The following CA12 variants were observed in gnomAD, a reference collection of about 807,000 sequenced individuals.
CA12 encodes the protein carbonate dehydratase XII.
CA12 carries 36 observed loss-of-function variants against 46.8 expected under a neutral mutation model. The observed-to-expected ratio is 0.77, with a 90% CI of 0.59 to 1.02. The LOEUF is 1.02. Among genes scored for constraint, CA12 ranks in the 50% least tolerant of loss-of-function variants. The pLI is 0.00. For synonymous variants in CA12, 202 were observed against 187.0 expected (o/e 1.08, Z -0.65); for missense variants, 436 against 451.4 (o/e 0.97, Z 0.31).
At position 63,366,138 on chromosome 15, in the gene CA12, C is replaced by CAAAA. The variant is rs10680238; in HGVS notation, c.106+9516_106+9519dup. Among the ~76,000 whole-genome samples the CAAAA allele has an allele frequency of 2.7e-4, 31 of 116,806 alleles. 1 individual carries two copies. Among genetic ancestry groups the CAAAA allele is most frequent in the Middle Eastern group, 4.4e-3 (1 of 226 alleles). 76.6% of individuals were successfully genotyped at this position (116,806 alleles called of 152,430 possible). On this transcript the variant is annotated intron_variant, in intron 2 of 10. Transcript: ENST00000178638. ...CCTGGGTGACAGAGCGAGACTATCTCAAAAAAAAAAAAAAAAAAAAAGCAT... is the reference window on the plus strand; with the variant it reads ...CCTGGGTGACAGAGCGAGACTATCTCAAAAAAAAAAAAAAAAAAAAAAAAAGCAT...
At chr15:63,343,041 T>A (rs2039101670) in intron 4 of CA12, among the ~76,000 whole-genome samples, 1 of 152,062 alleles carries the variant, frequency 6.6e-6, no homozygotes. Flanking sequence ...TTCACCATCT[T>A]CCCCTCAAAG....
At chr15:63,379,177 G>A (rs1443857479) in intron 1 of CA12, 1 of 152,196 alleles carries the variant, frequency 6.6e-6, no homozygotes, top group East Asian at 1.9e-4. Flanking sequence ...CCTCCTCTCT[G>A]TGAGTGAGCT....
Position 63,330,317 on chromosome 15 carries a change from T to C in CA12, c.875-2187A>G, listed in dbSNP as rs1250293215. Among the ~76,000 whole-genome samples, 1 of 152,224 alleles carries C rather than the reference T, an allele frequency of 6.6e-6. No individual in the cohort carries two copies. Among genetic ancestry groups the C allele is most frequent in the Non-Finnish European group, 1.5e-5 (1 of 68,038 alleles). On this transcript the variant is annotated intron_variant, in intron 8 of 10. Coordinates refer to ENST00000178638, the MANE Select transcript of CA12 (RefSeq NM_001218.5). The surrounding 1 kb of genome is among the most constrained non-coding windows in gnomAD (Gnocchi z 4.0). Reference sequence around the variant, plus strand: ...GGTATTAGGGTTGGTTGTTTCTTTTTTAAATGTAACCAGAGACCATGGTCC... The same window carrying C: ...GGTATTAGGGTTGGTTGTTTCTTTTCTAAATGTAACCAGAGACCATGGTCC...
intron 4 of CA12, among the ~76,000 whole-genome samples, chr15:63,344,448 T>C (rs191922414): frequency 4.5e-4 from 69 of 152,382 alleles, no homozygotes; most frequent in Non-Finnish European, 9.0e-4. Flanking sequence ...ACCTTCTTTA[T>C]TCCCCATGGG....
chr15:63,363,216 G>A (rs1311541004), intron 2 of CA12, among the ~76,000 whole-genome samples: 1 of 152,106 alleles, frequency 6.6e-6, no homozygotes, highest in Non-Finnish European at 1.5e-5. Context: ...CAAATCTAAG[G>A]TTTCCTACAT....
At chr15:63,354,963 T>A (rs2039276624) in intron 2 of CA12, among the ~76,000 whole-genome samples, 1 of 152,152 alleles carries the variant, frequency 6.6e-6, no homozygotes, top group South Asian at 2.1e-4. Flanking sequence ...AAGGCCTGCA[T>A]CAGGTTCCTT....
chr15:63,354,334 G>A (rs1177560714), intron 2 of CA12, among the ~76,000 whole-genome samples: 1 of 152,108 alleles, frequency 6.6e-6, no homozygotes, highest in Non-Finnish European at 1.5e-5. Flanking sequence ...TCTTTTTCTT[G>A]GATTTTACAT....
Position 63,357,099 on chromosome 15 carries a change from C to T in CA12, c.107-10390G>A, listed in dbSNP as rs187443933. Among the ~76,000 whole-genome samples, 475 of 152,288 alleles carry T rather than the reference C, an allele frequency of 3.1e-3. 4 individuals are homozygous for T. Among genetic ancestry groups the T allele is most frequent in the Non-Finnish European group, 4.5e-3 (308 of 68,020 alleles). On this transcript the variant is annotated intron_variant, in intron 2 of 10. Coordinates refer to ENST00000178638, the MANE Select transcript of CA12 (RefSeq NM_001218.5). Reference sequence around the variant, plus strand: ...GCTGGGATAGGTCTTTTTATTTTCACGGCACCCTTTATGGAACCAAACGTA... The same window carrying T: ...GCTGGGATAGGTCTTTTTATTTTCATGGCACCCTTTATGGAACCAAACGTA...
chr15:63,341,038 G>A lies in CA12; in HGVS notation c.526-255C>T, dbSNP rs1040396678. 6.6e-6 allele frequency among the ~76,000 whole-genome samples: 1 copy of A among 152,150 alleles called. No individual in the cohort carries two copies. Among genetic ancestry groups the A allele is most frequent in the East Asian group, 1.9e-4 (1 of 5,188 alleles). On this transcript the variant is annotated intron_variant, in intron 5 of 10. Coordinates refer to ENST00000178638, the MANE Select transcript of CA12 (RefSeq NM_001218.5). The surrounding 1 kb of genome is among the most constrained non-coding windows in gnomAD (Gnocchi z 5.2). ...TGTCCTGGGGCATAGGGTACCGTGTGTGCTCTTGATGATCCAGATATGAGC... is the reference window on the plus strand; with the variant it reads ...TGTCCTGGGGCATAGGGTACCGTGTATGCTCTTGATGATCCAGATATGAGC...
chr15:63,338,079 C>T (rs898949832), intron 8 of CA12, among the ~76,000 whole-genome samples: 1 of 152,176 alleles, frequency 6.6e-6, no homozygotes, highest in African/African-American at 2.4e-5. Context: ...GCCCAGTTTC[C>T]AGCAGTGTTG....
Position 63,341,213 on chromosome 15 carries a change from C to CCAA in CA12, c.526-431_526-430insTTG, listed in dbSNP as rs2039074978. Among the ~76,000 whole-genome samples, 2 of 152,174 alleles carry CCAA rather than the reference C, an allele frequency of 1.3e-5. No homozygotes were observed. The highest frequency in any genetic ancestry group is 1.5e-5 in the Non-Finnish European group (1 of 68,040). ...CATGCAAGCCAATCAGAAGACATTC[C>CCAA]TCTATCTTGGGATAAAAAAAGAATT... On this transcript the variant is annotated intron_variant, in intron 5 of 10. Coordinates refer to ENST00000178638, the MANE Select transcript of CA12 (RefSeq NM_001218.5). This position sits in a 1 kb window ranked among gnomAD's most constrained non-coding sequence, Gnocchi z 5.2.
intron 2 of CA12, among the ~76,000 whole-genome samples, chr15:63,367,850 T>TA (rs1268404066): frequency 1.3e-5 from 2 of 152,158 alleles, no homozygotes; most frequent in African/African-American, 4.8e-5. Context: ...TTACATAAAC[T>TA]AAAAAAACTA....
rs971604887 is a variant in CA12 at position 63,341,226 on chromosome 15, T to TA, written c.526-444dup. 2.6e-5 allele frequency among the ~76,000 whole-genome samples: 4 copies of TA among 151,752 alleles called. No individual in the cohort carries two copies. Among genetic ancestry groups the TA allele is most frequent in the Non-Finnish European group, 4.4e-5 (3 of 67,950 alleles). On this transcript the variant is annotated intron_variant, in intron 5 of 10. Transcript: ENST00000178638. This position sits in a 1 kb window ranked among gnomAD's most constrained non-coding sequence, Gnocchi z 5.2. ...CAGAAGACATTCCTCTATCTTGGGATAAAAAAAGAATTCATTCCAGGGTAC... is the reference window on the plus strand; with the variant it reads ...CAGAAGACATTCCTCTATCTTGGGATAAAAAAAAGAATTCATTCCAGGGTAC...
rs528919763 is a variant in CA12, at chr15:63,334,098, C to T, written c.874+4721G>A. Among the ~76,000 whole-genome samples the T allele has an allele frequency of 5.3e-5, 8 of 152,218 alleles. No individual in the cohort carries two copies. In the East Asian group the frequency reaches 1.5e-3, roughly 29 times the overall value. ...CCCCTGTGATGTCCCCCTGCCTCTGCCGTCTTTCCCCTTTCCCACTAAGAG... is the reference window on the plus strand; with the variant it reads ...CCCCTGTGATGTCCCCCTGCCTCTGTCGTCTTTCCCCTTTCCCACTAAGAG... On this transcript the variant is annotated intron_variant, in intron 8 of 10. Coordinates refer to ENST00000178638, the MANE Select transcript of CA12 (RefSeq NM_001218.5).
intron 2 of CA12, among the ~76,000 whole-genome samples, chr15:63,364,332 G>GAAACA (rs2039408329): frequency 1.8e-5 from 1 of 56,138 alleles, no homozygotes; most frequent in African/African-American, 7.0e-5. Context: ...CCCGTCACTA[G>GAAACA]AAAAAAAAAA....
At position 63,322,346 on chromosome 15, in the gene CA12, T is replaced by C. The variant is rs1344727186; in HGVS notation, c.*3939A>G. The C allele has an allele frequency of 6.6e-6, 1 of 151,762 alleles. No individual in the cohort carries two copies. The highest frequency in any genetic ancestry group is 1.5e-5 in the Non-Finnish European group (1 of 67,972). 9.4% of individuals were successfully genotyped at this position (151,762 alleles called of 1,614,324 possible). A position where few individuals can be genotyped will look rare whatever the true frequency, so the allele number is the denominator to read the frequency against. On this transcript the variant is annotated 3_prime_UTR_variant, in exon 11 of 11. Coordinates refer to ENST00000178638, the MANE Select transcript of CA12 (RefSeq NM_001218.5). The surrounding 1 kb of genome is among the most constrained non-coding windows in gnomAD (Gnocchi z 4.1). ...AAATACTGGTTACATGTGGAAATGA[T>C]AGTATTTTAGATCTGTTGGATTATC...
At chr15:63,352,318 A>G (rs2039243017) in intron 2 of CA12, among the ~76,000 whole-genome samples, 1 of 152,194 alleles carries the variant, frequency 6.6e-6, no homozygotes, top group Non-Finnish European at 1.5e-5. Flanking sequence ...TGGCCTCCCA[A>G]AGTGCTGGGA....
Position 63,345,069 on chromosome 15 carries a change from G to A in CA12, c.429+408C>T, listed in dbSNP as rs1207545020. The stretch of plus-strand genomic sequence containing the variant: ...GAGGGAAAGATAGCATCAAAATGAT[G>A]CAAACAGCATGACATATGAAGAAAG... On this transcript the variant is annotated intron_variant, in intron 4 of 10. Coordinates refer to ENST00000178638, the MANE Select transcript of CA12 (RefSeq NM_001218.5). This position sits in a 1 kb window ranked among gnomAD's most constrained non-coding sequence, Gnocchi z 4.3. Among the ~76,000 whole-genome samples, 1 of 152,218 alleles carries A rather than the reference G, an allele frequency of 6.6e-6. No homozygotes were observed. Among genetic ancestry groups the A allele is most frequent in the Non-Finnish European group, 1.5e-5 (1 of 68,040 alleles).
chr15:63,371,790 A>G (rs1467250496), intron 2 of CA12, among the ~76,000 whole-genome samples: 1 of 152,136 alleles, frequency 6.6e-6, no homozygotes, highest in Non-Finnish European at 1.5e-5. Flanking sequence ...GTCTAGCTCC[A>G]ATACAGTCAT....
Sources: gnomAD v4.1 joint callset for allele counts (sites outside exome capture counted in the v4.1 genomes callset) on GRCh38, gnomAD v4.1.1 for gene constraint, Gnocchi (gnomAD v3.1) non-coding constraint, MANE v1.5 for transcripts, NCBI Gene and HGNC (gene_info 2026-07-23, HGNC 2026-07-21) for gene names.